Variants in MAPK14 observed in about 807,000 individuals in gnomAD.
The protein encoded by MAPK14 is mitogen-activated protein kinase 14, also known as CSAID-binding protein.
In MAPK14, 16 loss-of-function variants were observed where a neutral mutation model predicts 49.6. That is an observed-to-expected ratio of 0.32 (90% confidence interval 0.22 to 0.49). The LOEUF is 0.49. Ranked by LOEUF, MAPK14 falls within the 20% of genes least tolerant of loss-of-function variation. The probability of loss-of-function intolerance (pLI) is 0.99; values close to 1 mark genes in which losing one functional copy is unlikely to be tolerated. For missense variants in MAPK14, 200 were observed against 441.2 expected (o/e 0.45, Z 4.90); for synonymous variants, 142 against 158.0 (o/e 0.90, Z 0.76).
In MAPK14 at chr6:36,107,369, A is replaced by G. The variant is rs936810287; in HGVS notation, c.842-86A>G. The G allele has an allele frequency of 1.1e-6, 1 of 901,734 alleles. No individual in the cohort carries two copies. Among genetic ancestry groups the G allele is most frequent in the African/African-American group, 1.7e-5 (1 of 60,224 alleles). 55.9% of individuals were successfully genotyped at this position (901,734 alleles called of 1,614,324 possible). A position where few individuals can be genotyped will look rare whatever the true frequency, so the allele number is the denominator to read the frequency against. Reference sequence around the variant, plus strand: ...AGGAGAGTTCTTTGTTTGGATATGAAGGGTCAAAACTATGTTTGCTCAATA... The same window carrying G: ...AGGAGAGTTCTTTGTTTGGATATGAGGGGTCAAAACTATGTTTGCTCAATA... On this transcript the variant is annotated intron_variant, in intron 10 of 11. Transcript: ENST00000229794. The surrounding 1 kb of genome is among the most constrained non-coding windows in gnomAD (Gnocchi z 4.3).
At chr6:36,080,589 T>C (rs1307916877) in intron 8 of MAPK14, among the ~76,000 whole-genome samples, 12 of 152,258 alleles carry the variant, frequency 7.9e-5, no homozygotes, top group African/African-American at 2.7e-4. Flanking sequence ...GTTGACCTGT[T>C]CATCTGTTAG....
intron 4 of MAPK14, 119 bp downstream of exon 4, chr6:36,073,103 C>G: frequency 1.4e-6 from 1 of 705,542 alleles, no homozygotes; most frequent in East Asian, 2.8e-5. Flanking sequence ...CATAAAATCA[C>G]AGGTAAAGGT....
intron 8 of MAPK14, chr6:36,076,832 C>G: frequency 2.4e-6 from 1 of 413,912 alleles, no homozygotes; most frequent in Non-Finnish European, 4.3e-6. Context: ...GTTGAAAAAC[C>G]CATCAAGTCT....
chr6:36,079,995 GTGCAGTGGCA>G (rs1310955457), intron 8 of MAPK14, among the ~76,000 whole-genome samples: 1 of 151,678 alleles, frequency 6.6e-6, no homozygotes, highest in East Asian at 1.9e-4. Context: ...CCACGCTGGA[GTGCAGTGGCA>G]TGATCTTGGC....
At chr6:36,059,463 A>G in intron 3 of MAPK14, 116 bp downstream of exon 3, 2 of 746,872 alleles carry the variant, frequency 2.7e-6, no homozygotes, top group South Asian at 3.1e-5. Context: ...TATTCCTATC[A>G]TGCACCTCTT....
intron 3 of MAPK14, among the ~76,000 whole-genome samples, chr6:36,063,589 C>T (rs749220010): frequency 1.3e-5 from 2 of 152,110 alleles, no homozygotes; most frequent in Non-Finnish European, 2.9e-5. Context: ...ATATGTGGTC[C>T]ACTGTTGACT....
chr6:36,035,887 G>A (rs958922653), intron 1 of MAPK14, among the ~76,000 whole-genome samples: 12 of 152,086 alleles, frequency 7.9e-5, no homozygotes, highest in Non-Finnish European at 1.6e-4. Context: ...GCAGAGGGTG[G>A]TTCATAGGTT....
intron 1 of MAPK14, among the ~76,000 whole-genome samples, chr6:36,031,665 A>T (rs546168518): frequency 1.3e-5 from 2 of 152,118 alleles, no homozygotes; most frequent in Non-Finnish European, 1.5e-5. Context: ...TTGGCCTCCC[A>T]AAGTGCTGAG....
At position 36,028,089 on chromosome 6, in the gene MAPK14, G is replaced by A. The variant is rs911163706; in HGVS notation, c.-69G>A. The A allele has an allele frequency of 4.7e-6, 5 of 1,065,790 alleles. No individual in the cohort carries two copies. In the African/African-American group the frequency reaches 6.4e-5, roughly 14 times the overall value. The allele number at this position is 1,065,790 out of a possible 1,614,324, so 66.0% of individuals were successfully genotyped here. On this transcript the variant is annotated 5_prime_UTR_variant, in exon 1 of 12. Transcript: ENST00000229794. The surrounding 1 kb of genome is among the most constrained non-coding windows in gnomAD (Gnocchi z 5.1). ...CCGGCTGGGCGGGCAGCAAGGGCCGGGGAGAGGGTGCGGGTGCAGGCGGGG... is the reference window on the plus strand; with the variant it reads ...CCGGCTGGGCGGGCAGCAAGGGCCGAGGAGAGGGTGCGGGTGCAGGCGGGG...
chr6:36,057,705 C>T lies in MAPK14; in HGVS notation c.247-1584C>T, dbSNP rs188631879. Among the ~76,000 whole-genome samples the T allele has an allele frequency of 6.9e-4, 103 of 150,330 alleles. 1 individual carries two copies. In the East Asian group the frequency reaches 0.016, roughly 24 times the overall value. On this transcript the variant is annotated intron_variant, in intron 2 of 11. Coordinates refer to ENST00000229794, the MANE Select transcript of MAPK14 (RefSeq NM_139012.3). ...TGCACTCCAGCCTGGGCAACAGGAG[C>T]GAAACTCTGTCTCAAAGAAAAAAAA... is the stretch of plus-strand genomic sequence containing the variant.
chr6:36,046,530 T>A (rs1487081304), intron 1 of MAPK14, among the ~76,000 whole-genome samples: 1 of 152,204 alleles, frequency 6.6e-6, no homozygotes, highest in Non-Finnish European at 1.5e-5. Context: ...AATATAAACA[T>A]AATTCTCATT....
intron 8 of MAPK14, chr6:36,092,386 C>T: frequency 3.0e-6 from 2 of 671,028 alleles, no homozygotes; most frequent in South Asian, 2.7e-5. Context: ...ATGCAGTAGC[C>T]ACCCATTGGT....
chr6:36,058,275 C>T (rs572315049), intron 2 of MAPK14, among the ~76,000 whole-genome samples: 100 of 152,098 alleles, frequency 6.6e-4, no homozygotes, highest in Admixed American at 1.2e-3. Context: ...GGAAATTTTT[C>T]GTGGAATACA....
chr6:36,079,874 T>C (rs1356192457), intron 8 of MAPK14, among the ~76,000 whole-genome samples: 1 of 152,154 alleles, frequency 6.6e-6, no homozygotes, highest in East Asian at 1.9e-4. Context: ...AAAAGAAATG[T>C]AGCTAGTTTA....
At chr6:36,079,918 T>TAA (rs1764682768) in intron 8 of MAPK14, among the ~76,000 whole-genome samples, 1 of 152,094 alleles carries the variant, frequency 6.6e-6, no homozygotes, top group Non-Finnish European at 1.5e-5. Context: ...TTTTTGTGGT[T>TAA]AAATGTATTT....
intron 1 of MAPK14, among the ~76,000 whole-genome samples, chr6:36,041,118 A>C (rs851022): frequency 0.89 from 135,165 of 152,144 alleles, 60,192 homozygotes; most frequent in East Asian, 1. Flanking sequence ...GATACAATGC[A>C]TTTTCCTGAA....
At position 36,052,682 on chromosome 6, in the gene MAPK14, C is replaced by T. The variant is rs45564341; in HGVS notation, c.117-17C>T. ...ACAGCTTTTTAATGGTGGGTTTTTT[C>T]CCTTTTTTCTCCTTAGTGCTGCTTT... On this transcript the variant is annotated splice_polypyrimidine_tract_variant and intron_variant, in intron 1 of 11. Transcript: ENST00000229794. The T allele has an allele frequency of 2.6e-3, 4,182 of 1,579,602 alleles. 16 individuals are homozygous for T. The highest frequency in any genetic ancestry group is 0.013 in the South Asian group (1,068 of 84,932).
chr6:36,037,044 T>C (rs961763106), intron 1 of MAPK14, among the ~76,000 whole-genome samples: 3 of 152,180 alleles, frequency 2.0e-5, no homozygotes, highest in Non-Finnish European at 4.4e-5. Context: ...GCCCGGCTAA[T>C]AAAATATTTT....
intron 8 of MAPK14, among the ~76,000 whole-genome samples, chr6:36,083,607 T>C (rs1764853916): frequency 6.6e-6 from 1 of 152,174 alleles, no homozygotes; most frequent in South Asian, 2.1e-4. Context: ...ACTGACTCTT[T>C]AGGCTGAACT....
Sources: allele counts gnomAD v4.1 joint callset (sites outside exome capture counted in the v4.1 genomes callset), GRCh38; gene constraint gnomAD v4.1.1; non-coding constraint Gnocchi (gnomAD v3.1); transcripts MANE v1.5; gene names NCBI Gene and HGNC (gene_info 2026-07-23, HGNC 2026-07-21).